PDE4D: variants seen among roughly 807,000 people sequenced by gnomAD.
The protein encoded by PDE4D is 3',5'-cyclic-AMP phosphodiesterase 4D.
PDE4D carries 24 observed loss-of-function variants against 87.4 expected under a neutral mutation model. The ratio of observed to expected loss-of-function variants is 0.27; its 90% confidence interval spans 0.20 to 0.39. The LOEUF is 0.39. Ranked by LOEUF, PDE4D falls within the 10% of genes least tolerant of loss-of-function variation. PDE4D has a pLI of 1.00. For synonymous variants in PDE4D, 384 were observed against 383.2 expected (o/e 1.00, Z -0.02); for missense variants, 714 against 1,041.0 (o/e 0.69, Z 4.32).
chr5:60,441,545 A>C (rs1211923686), intron 1 of PDE4D, among the ~76,000 whole-genome samples: 1 of 152,220 alleles, frequency 6.6e-6, no homozygotes, highest in Non-Finnish European at 1.5e-5. Context: ...TTCATGACTA[A>C]AACACCAAAA....
chr5:59,243,735 C>G (rs1394511181), intron 1 of PDE4D, among the ~76,000 whole-genome samples: 1 of 152,028 alleles, frequency 6.6e-6, no homozygotes, highest in East Asian at 1.9e-4. Context: ...GCTGGAATTA[C>G]AGGCGTGAGC....
At chr5:60,278,679 C>A (rs1751601476) in intron 1 of PDE4D, among the ~76,000 whole-genome samples, 1 of 151,960 alleles carries the variant, frequency 6.6e-6, no homozygotes, top group Non-Finnish European at 1.5e-5. Context: ...TGCCCATCCA[C>A]TAAGCTTTTT....
At chr5:60,521,935 G>GAAAAAAA (rs10546225) in intron 1 of PDE4D, 1 of 142,944 alleles carries the variant, frequency 7.0e-6, no homozygotes. Flanking sequence ...TGACCTGCAG[G>GAAAAAAA]AAAAAAAAAA....
chr5:59,258,660 T>C (rs904462070), intron 1 of PDE4D, among the ~76,000 whole-genome samples: 2 of 148,806 alleles, frequency 1.3e-5, no homozygotes, highest in Non-Finnish European at 3.0e-5. Context: ...GTTAGAAATA[T>C]ATATCATATA....
intron 1 of PDE4D, among the ~76,000 whole-genome samples, chr5:60,512,918 T>C (rs769708115): frequency 2.6e-5 from 4 of 152,080 alleles, no homozygotes; most frequent in Non-Finnish European, 4.4e-5. Flanking sequence ...GGGGTTAATA[T>C]TGATGCCAAA....
intron 1 of PDE4D, among the ~76,000 whole-genome samples, chr5:60,502,704 C>G (rs955523867): frequency 2.0e-5 from 3 of 152,132 alleles, no homozygotes; most frequent in Admixed American, 2.0e-4. Context: ...ACAGCAGTGT[C>G]AATCTCTAAA....
chr5:60,192,850 TTGAG>T (rs1180326715), intron 1 of PDE4D, among the ~76,000 whole-genome samples: 1 of 152,218 alleles, frequency 6.6e-6, no homozygotes, highest in Non-Finnish European at 1.5e-5. Flanking sequence ...AAGAAAGTAT[TTGAG>T]TGAATACAAA....
chr5:60,425,757 T>C (rs1031928220), intron 1 of PDE4D, among the ~76,000 whole-genome samples: 1 of 152,122 alleles, frequency 6.6e-6, no homozygotes, highest in East Asian at 1.9e-4. Context: ...ACCTACAGAA[T>C]GGGAGAAAAT....
intron 1 of PDE4D, among the ~76,000 whole-genome samples, chr5:59,882,255 C>A (rs1415868561): frequency 1.3e-5 from 2 of 152,076 alleles, no homozygotes; most frequent in Admixed American, 6.5e-5. Flanking sequence ...TGATGAGTAA[C>A]CACATGATTT....
At chr5:59,616,852 T>C (rs1829728239) in intron 1 of PDE4D, among the ~76,000 whole-genome samples, 1 of 144,846 alleles carries the variant, frequency 6.9e-6, no homozygotes, top group South Asian at 2.2e-4. Context: ...TATCTATACC[T>C]CTATACGTAT....
At chr5:59,257,030 G>A (rs540015287) in intron 1 of PDE4D, among the ~76,000 whole-genome samples, 1 of 152,096 alleles carries the variant, frequency 6.6e-6, no homozygotes, top group East Asian at 1.9e-4. Context: ...GATGAGCATA[G>A]AATAATAAAG....
At chr5:59,542,581 A>T (rs956843669) in intron 1 of PDE4D, among the ~76,000 whole-genome samples, 1 of 152,176 alleles carries the variant, frequency 6.6e-6, no homozygotes, top group Admixed American at 6.5e-5. Flanking sequence ...GTAGTTTTGT[A>T]TTTTAAGAAT....
intron 1 of PDE4D, among the ~76,000 whole-genome samples, chr5:59,305,838 A>C (rs759194040): frequency 6.6e-6 from 1 of 152,132 alleles, no homozygotes; most frequent in East Asian, 1.9e-4. Flanking sequence ...TATCTTGGAG[A>C]AAGTTCCATG....
At chr5:60,332,510 G>C (rs1757392772) in intron 1 of PDE4D, among the ~76,000 whole-genome samples, 1 of 152,074 alleles carries the variant, frequency 6.6e-6, no homozygotes, top group African/African-American at 2.4e-5. Context: ...CTGCTACAAA[G>C]GACATGATTT....
intron 5 of PDE4D, among the ~76,000 whole-genome samples, chr5:59,120,469 A>G (rs2153445631): frequency 6.6e-6 from 1 of 152,298 alleles, no homozygotes; most frequent in Non-Finnish European, 1.5e-5. Context: ...AACAAGACAC[A>G]ATGTAAGCTC....
At chr5:60,191,346 C>T (rs1301067916) in intron 1 of PDE4D, among the ~76,000 whole-genome samples, 1 of 152,050 alleles carries the variant, frequency 6.6e-6, no homozygotes, top group Non-Finnish European at 1.5e-5. Context: ...AAGGGAGAAA[C>T]CAAATGGAGG....
intron 1 of PDE4D, among the ~76,000 whole-genome samples, chr5:60,258,625 G>A (rs1249206306): frequency 6.6e-6 from 1 of 151,728 alleles, no homozygotes; most frequent in Non-Finnish European, 1.5e-5. Context: ...GTTTAAAAAT[G>A]TCTACTCCAG....
intron 1 of PDE4D, among the ~76,000 whole-genome samples, chr5:59,595,637 G>A (rs1336835150): frequency 6.6e-6 from 1 of 152,132 alleles, no homozygotes; most frequent in East Asian, 1.9e-4. Flanking sequence ...CAGGTTTACT[G>A]GGGAAGGCAG....
intron 1 of PDE4D, among the ~76,000 whole-genome samples, chr5:59,641,116 A>G (rs1329893397): frequency 6.6e-6 from 1 of 152,130 alleles, no homozygotes; most frequent in Non-Finnish European, 1.5e-5. Flanking sequence ...CCGGCTTCCT[A>G]GTTTATTTTA....
Sources: gnomAD v4.1 joint callset for allele counts (sites outside exome capture counted in the v4.1 genomes callset) on GRCh38, gnomAD v4.1.1 for gene constraint, MANE v1.5 for transcripts, NCBI Gene and HGNC (gene_info 2026-07-23, HGNC 2026-07-21) for gene names.